The following MDGA2 variants were observed in gnomAD, a reference collection of about 807,000 sequenced individuals.
MDGA2 encodes the protein MAM domain containing glycosylphosphatidylinositol anchor 2.
In MDGA2, 40 loss-of-function variants were observed where a neutral mutation model predicts 117.8. The observed-to-expected ratio is 0.34, with a 90% CI of 0.26 to 0.44. The LOEUF (loss-of-function observed/expected upper bound fraction) is 0.44. MDGA2 is among the 20% of genes least tolerant of loss of function. The probability of loss-of-function intolerance (pLI) is 1.00; values close to 1 mark genes in which losing one functional copy is unlikely to be tolerated. For synonymous variants in MDGA2, 452 were observed against 439.0 expected (o/e 1.03, Z -0.37); for missense variants, 1,123 against 1,250.6 (o/e 0.90, Z 1.54).
At chr14:47,109,083 G>A (rs912362760) in intron 5 of MDGA2, among the ~76,000 whole-genome samples, 1 of 152,172 alleles carries the variant, frequency 6.6e-6, no homozygotes, top group Non-Finnish European at 1.5e-5. Flanking sequence ...ACTTGCTGCA[G>A]AATCCCAGAG....
chr14:47,673,156 T>G (rs1485466381), intron 1 of MDGA2, among the ~76,000 whole-genome samples: 1 of 152,114 alleles, frequency 6.6e-6, no homozygotes, highest in African/African-American at 2.4e-5. Context: ...TCAGCACTGT[T>G]CAGCCCTGGA....
chr14:46,963,302 A>G (rs947361792), intron 8 of MDGA2, among the ~76,000 whole-genome samples: 13 of 152,232 alleles, frequency 8.5e-5, no homozygotes, highest in African/African-American at 2.9e-4. Context: ...TCCCTGCAGT[A>G]TACCTGTAAT....
intron 1 of MDGA2, among the ~76,000 whole-genome samples, chr14:47,612,524 C>T (rs529850555): frequency 7.2e-5 from 11 of 152,110 alleles, no homozygotes; most frequent in Admixed American, 2.0e-4. Context: ...TTAGAACCTC[C>T]GTCATCTCAA....
chr14:47,304,344 A>AT (rs1182254170), intron 1 of MDGA2, among the ~76,000 whole-genome samples: 2 of 152,106 alleles, frequency 1.3e-5, no homozygotes, highest in Admixed American at 6.5e-5. Flanking sequence ...CCACTGGCCT[A>AT]TTGTTCTTTT....
In MDGA2 at chr14:46,916,688, C is replaced by T. The variant is rs1359629847; in HGVS notation, c.2238+3324G>A. Among the ~76,000 whole-genome samples the T allele has an allele frequency of 2.0e-5, 3 of 152,026 alleles. No homozygotes were observed. In the East Asian group the frequency reaches 5.8e-4, roughly 29 times the overall value. On this transcript the variant is annotated intron_variant, in intron 10 of 16. Transcript: ENST00000399232. ...TGTCTACGTGCTCCTTCTCTTCTTA[C>T]ACCCCATCTACAAACAGCACCATCT...
chr14:47,466,312 C>T (rs892910247), intron 1 of MDGA2, among the ~76,000 whole-genome samples: 2 of 151,424 alleles, frequency 1.3e-5, no homozygotes, highest in African/African-American at 2.4e-5. Context: ...GACCCCCACA[C>T]GGAATATAAA....
chr14:46,875,485 G>A (rs1166698975), intron 12 of MDGA2, among the ~76,000 whole-genome samples: 1 of 151,290 alleles, frequency 6.6e-6, no homozygotes, highest in African/African-American at 2.4e-5. Context: ...ATATTTAAGG[G>A]AGTCTAAATA....
At chr14:47,141,583 T>C (rs1163127122) in intron 4 of MDGA2, among the ~76,000 whole-genome samples, 3 of 152,124 alleles carry the variant, frequency 2.0e-5, no homozygotes, top group Non-Finnish European at 4.4e-5. Flanking sequence ...CATGGATGGA[T>C]CTGGAGGACA....
At chr14:46,957,756 G>A in intron 8 of MDGA2, 113 bp from the exon 9 acceptor site, 1 of 1,167,362 alleles carries the variant, frequency 8.6e-7, no homozygotes. Context: ...GAGGAGGAGT[G>A]TAGGAGGTGA....
chr14:46,875,103 T>A (rs1020149018), intron 12 of MDGA2, among the ~76,000 whole-genome samples: 2 of 151,812 alleles, frequency 1.3e-5, no homozygotes, highest in African/African-American at 4.8e-5. Context: ...TCATGAGGCT[T>A]TACAGAGGAG....
intron 10 of MDGA2, among the ~76,000 whole-genome samples, chr14:46,914,807 G>T (rs1198787700): frequency 6.6e-6 from 1 of 152,076 alleles, no homozygotes; most frequent in African/African-American, 2.4e-5. Context: ...TAAGAGGTGA[G>T]ATTTTTGTAC....
At chr14:47,238,627 C>T (rs1886943114) in intron 2 of MDGA2, among the ~76,000 whole-genome samples, 1 of 151,314 alleles carries the variant, frequency 6.6e-6, no homozygotes, top group Admixed American at 6.6e-5. Flanking sequence ...ACCCTATGGA[C>T]CGCTCAAAAA....
intron 1 of MDGA2, among the ~76,000 whole-genome samples, chr14:47,645,533 C>T (rs989326379): frequency 9.9e-5 from 15 of 151,588 alleles, no homozygotes; most frequent in African/African-American, 3.6e-4. Flanking sequence ...CGCGCCCGGC[C>T]CAATTCAATT....
intron 10 of MDGA2, among the ~76,000 whole-genome samples, chr14:46,911,379 C>T (rs545706741): frequency 3.9e-5 from 6 of 152,108 alleles, no homozygotes; most frequent in South Asian, 2.1e-4. Flanking sequence ...GCAGTAGTTA[C>T]GTAGTTTTAT....
At chr14:47,091,383 A>C (rs1377610901) in intron 6 of MDGA2, among the ~76,000 whole-genome samples, 1 of 152,178 alleles carries the variant, frequency 6.6e-6, no homozygotes, top group Non-Finnish European at 1.5e-5. Context: ...TAAGTAAGGA[A>C]ATATGGATAA....
intron 1 of MDGA2, among the ~76,000 whole-genome samples, chr14:47,662,465 G>A (rs1432808796): frequency 6.7e-6 from 1 of 149,694 alleles, no homozygotes; most frequent in African/African-American, 2.5e-5. Context: ...TAAACATAAG[G>A]GTGTCAAAGT....
intron 8 of MDGA2, among the ~76,000 whole-genome samples, chr14:46,974,783 A>G (rs1886394406): frequency 6.6e-6 from 1 of 152,190 alleles, no homozygotes; most frequent in South Asian, 2.1e-4. Flanking sequence ...ACATGGGACA[A>G]AAACTTCATG....
intron 11 of MDGA2, among the ~76,000 whole-genome samples, chr14:46,880,921 G>C (rs1882428240): frequency 6.7e-6 from 1 of 149,404 alleles, no homozygotes; most frequent in Admixed American, 6.7e-5. Flanking sequence ...TCAAAGTTCT[G>C]CACTAATTTC....
At chr14:47,472,854 C>A (rs1280912359) in intron 1 of MDGA2, among the ~76,000 whole-genome samples, 1 of 152,082 alleles carries the variant, frequency 6.6e-6, no homozygotes, top group Non-Finnish European at 1.5e-5. Flanking sequence ...GGTTGTATGA[C>A]TTAATGAGTT....
Sources: allele counts gnomAD v4.1 joint callset (sites outside exome capture counted in the v4.1 genomes callset), GRCh38; gene constraint gnomAD v4.1.1; transcripts MANE v1.5; gene names NCBI Gene and HGNC (gene_info 2026-07-23, HGNC 2026-07-21).